SLC9A7: variants seen among roughly 807,000 people sequenced by gnomAD.
SLC9A7 encodes solute carrier family 9 member A7.
Under a neutral mutation model 52.6 loss-of-function variants are expected in SLC9A7, and 19 were observed. The ratio of observed to expected loss-of-function variants is 0.36; its 90% CI spans 0.25 to 0.53. The LOEUF (loss-of-function observed/expected upper bound fraction) is 0.53, where lower values mean the gene tolerates loss of function less well. SLC9A7 is among the 20% of genes least tolerant of loss of function. SLC9A7 has a pLI of 0.91. For synonymous variants in SLC9A7, 226 were observed against 252.1 expected (o/e 0.90, Z 0.98); for missense variants, 455 against 597.9 (o/e 0.76, Z 2.49).
At chrX:46,629,421 T>C (rs1343035206) in intron 14 of SLC9A7, among the ~76,000 whole-genome samples, 1 of 112,190 alleles carries the variant, frequency 8.9e-6, no homozygotes, top group African/African-American at 3.2e-5. Context: ...CACTCAAACA[T>C]TTCCACAGAA....
chrX:46,680,348 CAA>C (rs372898654), intron 2 of SLC9A7, among the ~76,000 whole-genome samples: 1,569 of 64,489 alleles, frequency 0.024, 46 homozygotes, highest in African/African-American at 0.083. Context: ...GACTCCATCT[CAA>C]AAAAAAAAAA....
At position 46,600,297 on chromosome X, in the gene SLC9A7, T is replaced by G. The variant is rs892109422; in HGVS notation, c.*6655A>C. On this transcript the variant is annotated 3_prime_UTR_variant, in exon 17 of 17. Transcript: ENST00000616978. The stretch of plus-strand genomic sequence containing the variant: ...TTTCCATGCTGTTTACAAGTCCTTT[T>G]CTATCTGAGTTCCTCCAACATATAC... 4 of 112,239 alleles carry G rather than the reference T, an allele frequency of 3.6e-5. No homozygotes were observed. The highest frequency in any genetic ancestry group is 1.9e-4 in the Admixed American group (2 of 10,575). 9.2% of individuals were successfully genotyped at this position (112,239 alleles called of 1,213,427 possible).
rs1943221570 is a variant in SLC9A7, at chrX:46,631,527, C to T, written c.1740+59G>A. 7.2e-6 allele frequency: 7 copies of T among 976,852 alleles called. No homozygotes were observed. The South Asian group carries it at 1.2e-4, about 17-fold the overall frequency. The allele number at this position is 976,852 out of a possible 1,213,427, so 80.5% of individuals were successfully genotyped here. ...CATTGAGGGAATCTAGGTAAAGTGC[C>T]TGGCATGTGGCGAATGCTCAAATGT... is the stretch of plus-strand genomic sequence containing the variant. On this transcript the variant is annotated intron_variant, in intron 14 of 16. Transcript: ENST00000616978.
intron 5 of SLC9A7, among the ~76,000 whole-genome samples, chrX:46,666,282 A>AT (rs1285117563): frequency 9.0e-6 from 1 of 110,766 alleles, no homozygotes; most frequent in African/African-American, 3.3e-5. Flanking sequence ...AATTTTTACA[A>AT]TTTTTTTGTG....
chrX:46,744,752 T>C (rs746217157), intron 1 of SLC9A7, among the ~76,000 whole-genome samples: 43 of 112,019 alleles, frequency 3.8e-4, no homozygotes, highest in Admixed American at 6.7e-4. Context: ...ATACAGAATC[T>C]TAATTTTTTA....
At chrX:46,679,114 A>C (rs908701517) in intron 3 of SLC9A7, among the ~76,000 whole-genome samples, 1 of 112,289 alleles carries the variant, frequency 8.9e-6, no homozygotes, top group South Asian at 3.7e-4. Context: ...TGTTATATAA[A>C]TGAAATCACA....
chrX:46,725,724 T>C, intron 1 of SLC9A7: 1 of 1,162,381 alleles, frequency 8.6e-7, no homozygotes. Context: ...AATCTTCTTG[T>C]CAATGGATTC....
In SLC9A7 at chrX:46,661,771, A is replaced by T. The variant is rs748346291; in HGVS notation, c.1041+245T>A. ...GCTCCAACTGGATCACAAGAAAGGG[A>T]GAGAAACAGCAAAGGTGAAGACAGA... is the stretch of plus-strand genomic sequence containing the variant. On this transcript the variant is annotated intron_variant, in intron 7 of 16. Transcript: ENST00000616978. Among the ~76,000 whole-genome samples the T allele has an allele frequency of 2.7e-5, 3 of 111,790 alleles. 1 individual carries two copies. In the South Asian group the frequency reaches 1.1e-3, roughly 42 times the overall value.
At chrX:46,617,440 A>G (rs1034432144) in intron 15 of SLC9A7, among the ~76,000 whole-genome samples, 3 of 111,107 alleles carry the variant, frequency 2.7e-5, no homozygotes, top group Non-Finnish European at 5.7e-5. Context: ...TTGGGTGGGG[A>G]GTGACTCTCA....
chrX:46,710,424 A>C (rs927736109), intron 1 of SLC9A7, among the ~76,000 whole-genome samples: 33 of 112,003 alleles, frequency 2.9e-4, no homozygotes, highest in African/African-American at 9.7e-4. Context: ...AGGTTCCCTC[A>C]GTGTTAGCCA....
intron 1 of SLC9A7, among the ~76,000 whole-genome samples, chrX:46,726,608 G>A (rs1379094097): frequency 8.9e-6 from 1 of 111,811 alleles, no homozygotes; most frequent in Non-Finnish European, 1.9e-5. Context: ...ATTTCAAGGT[G>A]TCAGTGCAGT....
chrX:46,697,738 TAACAGCAATGTTTAGGA>T (rs1665954260), intron 1 of SLC9A7, among the ~76,000 whole-genome samples: 1 of 112,223 alleles, frequency 8.9e-6, no homozygotes, highest in Non-Finnish European at 1.9e-5. Context: ...AAGAACAGGA[TAACAGCAATGTTTAGGA>T]AACAAGAGAG....
intron 1 of SLC9A7, among the ~76,000 whole-genome samples, chrX:46,756,916 TAAGCCTTAAGATA>T (rs1169522955): frequency 8.9e-6 from 1 of 111,926 alleles, no homozygotes; most frequent in East Asian, 2.8e-4. Context: ...CTGTTGTCTT[TAAGCCTTAAGATA>T]AAGGTGATTG....
At chrX:46,704,795 GAC>G (rs1191874074) in intron 1 of SLC9A7, among the ~76,000 whole-genome samples, 1 of 111,181 alleles carries the variant, frequency 9.0e-6, no homozygotes, top group Non-Finnish European at 1.9e-5. Flanking sequence ...GTGCTAAGGA[GAC>G]ACAGGCCTGG....
chrX:46,686,958 T>G (rs1382149015), intron 1 of SLC9A7, among the ~76,000 whole-genome samples: 2 of 112,406 alleles, frequency 1.8e-5, no homozygotes, highest in Non-Finnish European at 3.8e-5. Flanking sequence ...AAAAACTCAC[T>G]TCACAACTGT....
intron 13 of SLC9A7, 134 bp downstream of exon 13, chrX:46,635,455 T>C (rs1044214722): frequency 4.1e-6 from 2 of 487,170 alleles, no homozygotes; most frequent in South Asian, 6.4e-5. Context: ...CTCAACCTTT[T>C]GCACCTTTAC....
chrX:46,701,675 A>G (rs538941546), intron 1 of SLC9A7, among the ~76,000 whole-genome samples: 7 of 111,982 alleles, frequency 6.3e-5, no homozygotes, highest in African/African-American at 1.9e-4. Context: ...CTCAGGGGCA[A>G]AGTATACCAT....
rs759405647 is a variant in SLC9A7, at chrX:46,709,965, G to C, written c.326-27430C>G. ...TTCAGGCAGAAATGGCTCAACTGATGAGTGTATTTGTCTCCAGAGAAGACA... is the reference window on the plus strand; with the variant it reads ...TTCAGGCAGAAATGGCTCAACTGATCAGTGTATTTGTCTCCAGAGAAGACA... On this transcript the variant is annotated intron_variant, in intron 1 of 16. Transcript: ENST00000616978. Among the ~76,000 whole-genome samples the C allele has an allele frequency of 4.4e-5, 5 of 112,365 alleles. No individual in the cohort carries two copies. The East Asian group carries it at 8.3e-4, about 19-fold the overall frequency.
In SLC9A7 at chrX:46,673,355, A is replaced by ACACAC. The variant is rs1569515267; in HGVS notation, c.604-729_604-728insGTGTG. On this transcript the variant is annotated intron_variant, in intron 3 of 16. Coordinates refer to ENST00000616978, the MANE Select transcript of SLC9A7 (RefSeq NM_001257291.2). ...ATTCATTGGTTACCTTAAAAATATA[A>ACACAC]ACACACACACACACACACACACACA... is the stretch of plus-strand genomic sequence containing the variant. 6.4e-3 allele frequency among the ~76,000 whole-genome samples: 655 copies of ACACAC among 102,628 alleles called. 5 individuals carry two copies. Among genetic ancestry groups the ACACAC allele is most frequent in the African/African-American group, 0.022 (625 of 28,217 alleles). The allele number at this position is 102,628 out of a possible 115,157, so 89.1% of individuals were successfully genotyped here.
Sources: allele counts gnomAD v4.1 joint callset (sites outside exome capture counted in the v4.1 genomes callset), GRCh38; gene constraint gnomAD v4.1.1; transcripts MANE v1.5; gene names NCBI Gene and HGNC (gene_info 2026-07-23, HGNC 2026-07-21).